Variants in SYT1 observed in about 807,000 individuals in gnomAD.
SYT1 encodes synaptotagmin 1, also known as synaptotagmin-1.
In SYT1, 8 loss-of-function variants were observed where a neutral mutation model predicts 44.8. That is an observed-to-expected ratio of 0.18 (90% CI 0.10 to 0.32). The LOEUF is 0.32. Ranked by LOEUF, SYT1 falls within the 10% of genes least tolerant of loss-of-function variation. SYT1 has a pLI of 1.00. For missense variants in SYT1, 286 were observed against 509.3 expected (o/e 0.56, Z 4.22); for synonymous variants, 154 against 188.8 (o/e 0.82, Z 1.51).
At chr12:79,149,357 T>G (rs564809021) in intron 3 of SYT1, among the ~76,000 whole-genome samples, 1 of 152,172 alleles carries the variant, frequency 6.6e-6, no homozygotes, top group East Asian at 1.9e-4. Flanking sequence ...CTGAAATATG[T>G]TTTTTCTGTC....
intron 3 of SYT1, among the ~76,000 whole-genome samples, chr12:79,101,501 T>G (rs1368229763): frequency 6.6e-6 from 1 of 152,136 alleles, no homozygotes; most frequent in Non-Finnish European, 1.5e-5. Context: ...GTACAAAGTT[T>G]TAGAGAAGGT....
intron 3 of SYT1, among the ~76,000 whole-genome samples, chr12:79,081,014 G>A (rs1876996675): frequency 6.6e-6 from 1 of 152,190 alleles, no homozygotes; most frequent in Non-Finnish European, 1.5e-5. Context: ...AAACTCTTCA[G>A]ATGGTATAGA....
At chr12:79,291,936 C>A in intron 5 of SYT1, 72 bp from the exon 6 acceptor site, 1 of 1,588,052 alleles carries the variant, frequency 6.3e-7, no homozygotes, top group Non-Finnish European at 8.6e-7. Flanking sequence ...GGAAGTGTAA[C>A]TACAGGCCCA....
intron 1 of SYT1, among the ~76,000 whole-genome samples, chr12:78,936,760 A>G (rs1355278468): frequency 6.6e-6 from 1 of 152,168 alleles, no homozygotes; most frequent in African/African-American, 2.4e-5. Flanking sequence ...GCTCAACTCC[A>G]CTGAAATAAA....
intron 1 of SYT1, among the ~76,000 whole-genome samples, chr12:78,948,975 ATT>A (rs1878817097): frequency 6.8e-6 from 1 of 147,610 alleles, no homozygotes; most frequent in South Asian, 2.1e-4. Flanking sequence ...ATTATATTAT[ATT>A]ATATTATATT....
At chr12:79,120,365 T>C (rs1380014662) in intron 3 of SYT1, among the ~76,000 whole-genome samples, 1 of 152,068 alleles carries the variant, frequency 6.6e-6, no homozygotes, top group African/African-American at 2.4e-5. Flanking sequence ...CTAGGTGTAA[T>C]ATTCCCATGT....
chr12:79,218,467 G>A (rs1172214604), intron 4 of SYT1, among the ~76,000 whole-genome samples: 4 of 152,048 alleles, frequency 2.6e-5, no homozygotes, highest in South Asian at 2.1e-4. Context: ...AAGATCTCTC[G>A]AACTTATTTC....
intron 4 of SYT1, among the ~76,000 whole-genome samples, chr12:79,281,319 A>T (rs945879574): frequency 1.3e-5 from 2 of 152,266 alleles, no homozygotes; most frequent in Non-Finnish European, 2.9e-5. Flanking sequence ...AGATAGATAT[A>T]GATAGATAGA....
At chr12:79,171,794 C>A (rs1023017433) in intron 3 of SYT1, among the ~76,000 whole-genome samples, 11 of 151,906 alleles carry the variant, frequency 7.2e-5, no homozygotes, top group Non-Finnish European at 1.3e-4. Context: ...TCTCTCCAAA[C>A]CTCAGTCTCC....
At chr12:79,296,023 A>C (rs776816211) in intron 6 of SYT1, 46 bp from the exon 7 acceptor site, 1 of 1,553,022 alleles carries the variant, frequency 6.4e-7, no homozygotes, top group Non-Finnish European at 8.7e-7. Flanking sequence ...CTTTTCCAAA[A>C]TGTCCACTGA....
At chr12:78,892,472 G>GA (rs1875112254) in intron 1 of SYT1, among the ~76,000 whole-genome samples, 1 of 151,532 alleles carries the variant, frequency 6.6e-6, no homozygotes, top group Non-Finnish European at 1.5e-5. Context: ...TTAGCAATAG[G>GA]AAAAATGACC....
chr12:79,444,384 G>A (rs1026281234), intron 10 of SYT1, among the ~76,000 whole-genome samples, 178 bp downstream of exon 10: 3 of 152,152 alleles, frequency 2.0e-5, no homozygotes, highest in African/African-American at 7.2e-5. Flanking sequence ...TACAGCACAG[G>A]ATGTGCTGAC....
chr12:78,942,906 G>T (rs572813696), intron 1 of SYT1, among the ~76,000 whole-genome samples: 1 of 151,652 alleles, frequency 6.6e-6, no homozygotes, highest in Admixed American at 6.6e-5. Context: ...ACCCAAGTGA[G>T]ACCATGCAAA....
intron 10 of SYT1, among the ~76,000 whole-genome samples, chr12:79,446,447 G>A (rs1362322073): frequency 6.6e-6 from 1 of 152,044 alleles, no homozygotes; most frequent in Admixed American, 6.6e-5. Context: ...GATAGCCACA[G>A]CTGGCCAATG....
chr12:78,889,077 T>A (rs1874902413), intron 1 of SYT1, among the ~76,000 whole-genome samples: 1 of 151,814 alleles, frequency 6.6e-6, no homozygotes, highest in Admixed American at 6.6e-5. Flanking sequence ...ATTTTTTTTT[T>A]AAGAAAAAAT....
At chr12:79,258,863 A>T (rs1877678379) in intron 4 of SYT1, among the ~76,000 whole-genome samples, 1 of 152,244 alleles carries the variant, frequency 6.6e-6, no homozygotes, top group Non-Finnish European at 1.5e-5. Flanking sequence ...GAATTAAAGA[A>T]GTCCATGAGG....
chr12:79,146,111 C>T (rs993224410), intron 3 of SYT1, among the ~76,000 whole-genome samples: 1 of 152,148 alleles, frequency 6.6e-6, no homozygotes, highest in Non-Finnish European at 1.5e-5. Flanking sequence ...AAGCTAACAG[C>T]ACAACAACAA....
intron 1 of SYT1, among the ~76,000 whole-genome samples, chr12:78,950,692 G>T (rs958643984): frequency 2.0e-5 from 3 of 152,028 alleles, no homozygotes; most frequent in Non-Finnish European, 4.4e-5. Flanking sequence ...TGCAGGAAAG[G>T]CACTTTAAAT....
At chr12:78,975,408 G>T (rs1474680915) in intron 1 of SYT1, among the ~76,000 whole-genome samples, 1 of 152,130 alleles carries the variant, frequency 6.6e-6, no homozygotes, top group Non-Finnish European at 1.5e-5. Flanking sequence ...GCCTGGCATA[G>T]ACTAGGCATT....
Sources: gnomAD v4.1 joint callset for allele counts (sites outside exome capture counted in the v4.1 genomes callset) on GRCh38, gnomAD v4.1.1 for gene constraint, MANE v1.5 for transcripts, NCBI Gene and HGNC (gene_info 2026-07-23, HGNC 2026-07-21) for gene names.